The following CADM2 variants were observed in gnomAD, a reference collection of about 807,000 sequenced individuals.
CADM2 encodes cell adhesion molecule 2.
CADM2 carries 12 observed loss-of-function variants against 49.8 expected under a neutral mutation model. The observed-to-expected ratio is 0.24, with a 90% CI of 0.15 to 0.39. The LOEUF (loss-of-function observed/expected upper bound fraction) is 0.39. Ranked by LOEUF, CADM2 falls within the 10% of genes least tolerant of loss-of-function variation. The pLI, the probability that CADM2 is intolerant of heterozygous loss-of-function variation, is 1.00. For synonymous variants in CADM2, 214 were observed against 175.4 expected, an observed-to-expected ratio of 1.22 and a Z score of -1.74; for missense variants, 378 against 492.3, an observed-to-expected ratio of 0.77 and a Z score of 2.20.
intron 1 of CADM2, among the ~76,000 whole-genome samples, chr3:85,077,042 G>A (rs1174662865): frequency 1.3e-5 from 2 of 152,152 alleles, no homozygotes; most frequent in Non-Finnish European, 2.9e-5. Context: ...GTTTGACTGA[G>A]AACGCCTTAA....
chr3:85,618,562 A>G (rs974136371), intron 1 of CADM2, among the ~76,000 whole-genome samples: 16 of 152,080 alleles, frequency 1.1e-4, no homozygotes, highest in African/African-American at 3.6e-4. Context: ...TCTTAGTTCT[A>G]CTTAGTCATA....
chr3:85,583,056 T>C (rs1466829726), intron 1 of CADM2, among the ~76,000 whole-genome samples: 1 of 152,142 alleles, frequency 6.6e-6, no homozygotes, highest in East Asian at 1.9e-4. Context: ...GCTGAATATA[T>C]GTTGGTGGGG....
intron 1 of CADM2, among the ~76,000 whole-genome samples, chr3:85,326,887 C>G (rs968542351): frequency 5.9e-5 from 9 of 151,830 alleles, no homozygotes; most frequent in Middle Eastern, 3.4e-3. Context: ...ACAGTTGCAA[C>G]AGAAAGTAAA....
At chr3:85,611,003 T>C (rs2063666912) in intron 1 of CADM2, among the ~76,000 whole-genome samples, 1 of 151,926 alleles carries the variant, frequency 6.6e-6, no homozygotes, top group Non-Finnish European at 1.5e-5. Flanking sequence ...CATAACTTGC[T>C]TTGGAATTGT....
intron 1 of CADM2, among the ~76,000 whole-genome samples, chr3:85,020,785 G>GGTGT (rs375445421): frequency 6.7e-6 from 1 of 149,122 alleles, no homozygotes; most frequent in East Asian, 2.0e-4. Context: ...GTGTGTAGGG[G>GGTGT]GTGTGTGTGT....
At chr3:85,154,703 C>T (rs2040046429) in intron 1 of CADM2, among the ~76,000 whole-genome samples, 1 of 148,784 alleles carries the variant, frequency 6.7e-6, no homozygotes, top group Non-Finnish European at 1.5e-5. Context: ...GGTCGGGTTA[C>T]CCTCAAAGGG....
chr3:85,831,915 G>A (rs961193351), intron 3 of CADM2, among the ~76,000 whole-genome samples: 8 of 151,882 alleles, frequency 5.3e-5, no homozygotes, highest in African/African-American at 1.9e-4. Context: ...TCTCCAGAAT[G>A]GTGATTCTTA....
At chr3:85,022,187 G>T (rs1377391779) in intron 1 of CADM2, among the ~76,000 whole-genome samples, 2 of 152,164 alleles carry the variant, frequency 1.3e-5, no homozygotes, top group Non-Finnish European at 2.9e-5. Flanking sequence ...TTCTAAATTT[G>T]TTCACAAGAA....
chr3:85,390,444 TCAG>T (rs1366710650), intron 1 of CADM2, among the ~76,000 whole-genome samples: 2 of 152,056 alleles, frequency 1.3e-5, no homozygotes. Context: ...TATCTATATC[TCAG>T]CTTGGCCAAA....
rs1324542733 is a variant in CADM2, at chr3:85,898,933, T to TTGTG, written c.529+12608_529+12611dup. On this transcript the variant is annotated intron_variant, in intron 5 of 9. Transcript: ENST00000383699. ...TACTTCATAAAATCCAATTCATTTATTGTGTATATATATATATATATATTT... is the reference window on the plus strand; with the variant it reads ...TACTTCATAAAATCCAATTCATTTATTGTGTGTGTATATATATATATATATATTT... Among the ~76,000 whole-genome samples the TTGTG allele has an allele frequency of 8.3e-3, 535 of 64,170 alleles. 38 individuals carry two copies. Among genetic ancestry groups the TTGTG allele is most frequent in the African/African-American group, 0.037 (429 of 11,470 alleles). The allele number at this position is 64,170 out of a possible 152,430, so 42.1% of individuals were successfully genotyped here.
chr3:85,704,061 C>A (rs2066863613), intron 1 of CADM2, among the ~76,000 whole-genome samples: 2 of 152,194 alleles, frequency 1.3e-5, no homozygotes, highest in African/African-American at 4.8e-5. Context: ...AGAATATCCA[C>A]TCATCAAAAC....
At chr3:85,093,036 C>T (rs550632477) in intron 1 of CADM2, among the ~76,000 whole-genome samples, 34 of 152,232 alleles carry the variant, frequency 2.2e-4, no homozygotes, top group African/African-American at 7.7e-4. Flanking sequence ...CCCTTTCTTT[C>T]CCTAACATCT....
chr3:86,031,883 C>T (rs1208070572), intron 8 of CADM2, among the ~76,000 whole-genome samples: 1 of 151,258 alleles, frequency 6.6e-6, no homozygotes, highest in East Asian at 1.9e-4. Flanking sequence ...TAATTGAAAC[C>T]AGGAAAATAA....
chr3:85,357,541 G>A (rs997034356), intron 1 of CADM2, among the ~76,000 whole-genome samples: 1 of 151,904 alleles, frequency 6.6e-6, no homozygotes, highest in Non-Finnish European at 1.5e-5. Flanking sequence ...TCTAATTGGA[G>A]AGCAATTACT....
chr3:85,735,012 TGTG>T (rs2068078892), intron 2 of CADM2, among the ~76,000 whole-genome samples: 1 of 142,872 alleles, frequency 7.0e-6, no homozygotes, highest in Non-Finnish European at 1.6e-5. Flanking sequence ...GTGTGTGTGT[TGTG>T]AATATGTTCT....
intron 1 of CADM2, among the ~76,000 whole-genome samples, chr3:85,264,378 G>C (rs551276929): frequency 2.6e-4 from 40 of 152,184 alleles, no homozygotes; most frequent in Admixed American, 9.2e-4. Context: ...CTTTACAAAT[G>C]TTTTATGCCA....
chr3:85,033,726 A>C (rs1253773050), intron 1 of CADM2, among the ~76,000 whole-genome samples: 1 of 152,178 alleles, frequency 6.6e-6, no homozygotes, highest in Non-Finnish European at 1.5e-5. Flanking sequence ...TGACCAATTA[A>C]AAGTTTCTGA....
intron 1 of CADM2, among the ~76,000 whole-genome samples, chr3:85,534,572 T>C (rs1442754688): frequency 6.6e-6 from 1 of 152,188 alleles, no homozygotes; most frequent in Non-Finnish European, 1.5e-5. Flanking sequence ...TAAGACTGCT[T>C]TACTATACAG....
chr3:84,984,044 T>TAC (rs1432825851), intron 1 of CADM2, among the ~76,000 whole-genome samples: 114 of 100,236 alleles, frequency 1.1e-3, no homozygotes, highest in Admixed American at 1.5e-3. Context: ...TATATATATA[T>TAC]ATATACACAC....
Sources: gnomAD v4.1 joint callset for allele counts (sites outside exome capture counted in the v4.1 genomes callset) on GRCh38, gnomAD v4.1.1 for gene constraint, MANE v1.5 for transcripts, NCBI Gene and HGNC (gene_info 2026-07-23, HGNC 2026-07-21) for gene names.